ZFP82: variants seen among roughly 807,000 people sequenced by gnomAD.
ZFP82 encodes zinc finger protein 82 homolog.
Under a neutral mutation model 54.0 loss-of-function variants are expected in ZFP82, and 30 were observed. The ratio of observed to expected loss-of-function variants is 0.56; its 90% CI spans 0.42 to 0.75. The LOEUF (loss-of-function observed/expected upper bound fraction) is 0.75. Ranked by LOEUF, ZFP82 falls within the 30% of genes least tolerant of loss-of-function variation. The pLI is 0.00. For missense variants in ZFP82, 500 were observed against 636.8 expected, an observed-to-expected ratio of 0.79 and a Z score of 2.31; for synonymous variants, 194 against 209.5, an observed-to-expected ratio of 0.93 and a Z score of 0.64.
intron 1 of ZFP82, among the ~76,000 whole-genome samples, chr19:36,416,129 G>T (rs1046870024): frequency 6.6e-6 from 1 of 152,070 alleles, no homozygotes; most frequent in Admixed American, 6.6e-5. Flanking sequence ...AGACAACATC[G>T]ATCACAAGCT....
chr19:36,386,875 C>T (rs927531857), downstream of ZFP82, among the ~76,000 whole-genome samples: 9 of 152,284 alleles, frequency 5.9e-5, no homozygotes, highest in South Asian at 2.1e-4. Flanking sequence ...ACAGAGGTTG[C>T]AGTGGGCCGA....
chr19:36,402,631 T>C (rs1402848230), intron 4 of ZFP82, among the ~76,000 whole-genome samples: 1 of 152,164 alleles, frequency 6.6e-6, no homozygotes, highest in Non-Finnish European at 1.5e-5. Context: ...TAAGTGTCCT[T>C]AGCCAGACCT....
In ZFP82 at chr19:36,394,082, C is replaced by T. The variant is rs1235347913; in HGVS notation, c.258G>A (p.Lys86=). Reference sequence around the variant, plus strand: ...CATAAATGTCATTTTCTAAAGATAACTTCTTGGTCTCATACTTGGTCTCCA... The same window carrying T: ...CATAAATGTCATTTTCTAAAGATAATTTCTTGGTCTCATACTTGGTCTCCA... The part of the protein sequence containing the change: ...PDLETKYETK[K]LSLENDIYEI... The change falls in exon 5 of 5, where the codon AAG becomes AAA. Residue 86 remains lysine, a synonymous_variant. Coordinates refer to ENST00000392161, the MANE Select transcript of ZFP82 (RefSeq NM_133466.4). The T allele has an allele frequency of 1.2e-6, 2 of 1,609,390 alleles. No individual in the cohort carries two copies. The highest frequency in any genetic ancestry group is 4.5e-5 in the East Asian group (2 of 44,862).
At chr19:36,384,602 A>C (rs1255693302), downstream of ZFP82, among the ~76,000 whole-genome samples, 1 of 152,188 alleles carries the variant, frequency 6.6e-6, no homozygotes, top group East Asian at 1.9e-4. Flanking sequence ...GCTCTCATAC[A>C]TGTTTCACAA....
chr19:36,394,354 T>C (rs1001641100), intron 4 of ZFP82: 9 of 451,976 alleles, frequency 2.0e-5, no homozygotes, highest in African/African-American at 2.0e-5. Flanking sequence ...GAGGTGTGGA[T>C]CAGAATCACC....
At chr19:36,410,481 G>A (rs2032560124) in intron 1 of ZFP82, among the ~76,000 whole-genome samples, 1 of 151,626 alleles carries the variant, frequency 6.6e-6, no homozygotes. Flanking sequence ...ATATTTTGTT[G>A]TTGTTGTTGC....
intron 4 of ZFP82, among the ~76,000 whole-genome samples, chr19:36,397,233 C>A (rs150205224): frequency 1.3e-5 from 2 of 151,804 alleles, no homozygotes; most frequent in Non-Finnish European, 2.9e-5. Context: ...GCTGGGATTA[C>A]AGGCACACAC....
chr19:36,391,142 AT>A lies in ZFP82; in HGVS notation c.*1598del, dbSNP rs2032192679. On this transcript the variant is annotated 3_prime_UTR_variant, in exon 5 of 5. Coordinates refer to ENST00000392161, the MANE Select transcript of ZFP82 (RefSeq NM_133466.4). The stretch of plus-strand genomic sequence containing the variant: ...CACCAACTTTTGGTTGTCTTGAAAT[AT>A]AGTTTGTAAAGGATAGGCAAGGTAA... 1 of 152,232 alleles carries A rather than the reference AT, an allele frequency of 6.6e-6. No homozygotes were observed. The highest frequency in any genetic ancestry group is 1.5e-5 in the Non-Finnish European group (1 of 68,024). The allele number at this position is 152,232 out of a possible 1,614,324, so 9.4% of individuals were successfully genotyped here.
At chr19:36,397,375 G>A (rs747432305) in intron 4 of ZFP82, among the ~76,000 whole-genome samples, 7 of 151,654 alleles carry the variant, frequency 4.6e-5, no homozygotes, top group African/African-American at 1.5e-4. Flanking sequence ...TTACAGGCGT[G>A]AGCCACCGCG....
At position 36,389,481 on chromosome 19, in the gene ZFP82, A is replaced by G. The variant is rs2032158392; in HGVS notation, c.*3260T>C. Among the ~76,000 whole-genome samples, 1 of 152,220 alleles carries G rather than the reference A, an allele frequency of 6.6e-6. No homozygotes were observed. The highest frequency in any genetic ancestry group is 2.1e-4 in the South Asian group (1 of 4,832). ...ACATTTTGCTAATCTTGTTTCATCT[A>G]TCCCTCCCACCTTTTGTTTTTAAGT... On this transcript the variant is annotated 3_prime_UTR_variant, in exon 5 of 5. Coordinates refer to ENST00000392161, the MANE Select transcript of ZFP82 (RefSeq NM_133466.4).
intron 4 of ZFP82, among the ~76,000 whole-genome samples, chr19:36,400,903 G>C (rs116646551): frequency 1.3e-5 from 2 of 151,876 alleles, no homozygotes; most frequent in Non-Finnish European, 2.9e-5. Flanking sequence ...CACTCCACTT[G>C]GGCTTTCATC....
At chr19:36,412,010 G>T (rs1463219808) in intron 1 of ZFP82, among the ~76,000 whole-genome samples, 1 of 152,076 alleles carries the variant, frequency 6.6e-6, no homozygotes. Context: ...AGTGAGGAGT[G>T]CAGTAACAAA....
In ZFP82 at chr19:36,407,974, G is replaced by A; in HGVS notation, c.49C>T (p.Pro17Ser). The A allele has an allele frequency of 6.2e-7, 1 of 1,614,062 alleles. No homozygotes were observed. Among genetic ancestry groups the A allele is most frequent in the South Asian group, 1.1e-5 (1 of 91,078 alleles). The change falls in exon 3 of 5, where the codon CCA becomes TCA. Residue 17 changes from proline to serine, a missense_variant. Transcript: ENST00000392161. Reference sequence around the variant, plus strand: ...AAGTCCAGGTATTCCCACTCTTCTGGAGAGAAGTCTATGGATACATCACTG... The same window carrying A: ...AAGTCCAGGTATTCCCACTCTTCTGAAGAGAAGTCTATGGATACATCACTG... ...MFSDVSIDFS[P>S]EEWEYLDLEQ...
At chr19:36,404,909 C>A (rs188160912) in intron 4 of ZFP82, among the ~76,000 whole-genome samples, 1 of 152,304 alleles carries the variant, frequency 6.6e-6, no homozygotes, top group Non-Finnish European at 1.5e-5. Flanking sequence ...AGGGGCTGGG[C>A]ACAGTGGCTC....
chr19:36,387,268 A>G (rs1406154782), downstream of ZFP82, among the ~76,000 whole-genome samples: 1 of 152,154 alleles, frequency 6.6e-6, no homozygotes, highest in Admixed American at 6.5e-5. Context: ...GAGGCCAGAG[A>G]AGCCACGCTA....
At position 36,405,619 on chromosome 19, in the gene ZFP82, G is replaced by T. The variant is rs564743279; in HGVS notation, c.190C>A (p.Pro64Thr). 24 of 1,610,850 alleles carry T rather than the reference G, an allele frequency of 1.5e-5. No individual in the cohort carries two copies. In the South Asian group the frequency reaches 2.5e-4, roughly 17 times the overall value. The change falls in exon 4 of 5, where the codon CCT becomes ACT. Residue 64 changes from proline to threonine, a missense_variant. Pro to Thr is a conservative substitution (Grantham distance 38). Coordinates refer to ENST00000392161, the MANE Select transcript of ZFP82 (RefSeq NM_133466.4). ...CTTCCTTTCCTCACAACTTTCCAAG[G>T]CTCTTTTCCTTGCTCCAATGAGGAA... Reference protein sequence around the residue: ...VISSLEQGKEPWKVVRKGRRQ... With the variant: ...VISSLEQGKETWKVVRKGRRQ...
At chr19:36,410,993 G>T (rs1034131528) in intron 1 of ZFP82, among the ~76,000 whole-genome samples, 1 of 151,052 alleles carries the variant, frequency 6.6e-6, no homozygotes, top group Admixed American at 6.6e-5. Context: ...AGGAGTTCGA[G>T]ACCAGCCTGA....
At position 36,391,615 on chromosome 19, in the gene ZFP82, C is replaced by A. The variant is rs2032201057; in HGVS notation, c.*1126G>T. On this transcript the variant is annotated 3_prime_UTR_variant, in exon 5 of 5. Transcript: ENST00000392161. The stretch of plus-strand genomic sequence containing the variant: ...GAGTAGCTAGGACTACAGGCATGCA[C>A]CATTATGCCCAGCTAATTTTTAAAG... The A allele has an allele frequency of 2.0e-5, 3 of 152,016 alleles. No individual in the cohort carries two copies. The highest frequency in any genetic ancestry group is 2.9e-5 in the Non-Finnish European group (2 of 68,042). 9.4% of individuals were successfully genotyped at this position (152,016 alleles called of 1,614,324 possible). A position where few individuals can be genotyped will look rare whatever the true frequency, so the allele number is the denominator to read the frequency against.
At chr19:36,412,149 A>T (rs59953432) in intron 1 of ZFP82, among the ~76,000 whole-genome samples, 5,920 of 152,260 alleles carry the variant, frequency 0.039, 354 homozygotes, top group African/African-American at 0.13. Context: ...ACACAAGGAC[A>T]TATAAAATAT....
Sources: gnomAD v4.1 joint callset for allele counts (sites outside exome capture counted in the v4.1 genomes callset) on GRCh38, gnomAD v4.1.1 for gene constraint, MANE v1.5 for transcripts, NCBI Gene and HGNC (gene_info 2026-07-23, HGNC 2026-07-21) for gene names.